TENM2: variants seen among roughly 807,000 people sequenced by gnomAD.
TENM2 encodes the protein teneurin-2.
In TENM2, 52 loss-of-function variants were observed where a neutral mutation model predicts 245.2. That is an observed-to-expected ratio of 0.21 (90% CI 0.17 to 0.27). TENM2 has a LOEUF of 0.27. Among genes scored for constraint, TENM2 ranks in the 10% least tolerant of loss-of-function variants. The probability of loss-of-function intolerance (pLI) is 1.00; values close to 1 mark genes in which losing one functional copy is unlikely to be tolerated. For missense variants in TENM2, 3,046 were observed against 3,666.8 expected (o/e 0.83, Z 4.37); for synonymous variants, 1,363 against 1,438.9 (o/e 0.95, Z 1.19).
chr5:167,752,092 C>G (rs1761994997), intron 2 of TENM2, among the ~76,000 whole-genome samples: 1 of 151,600 alleles, frequency 6.6e-6, no homozygotes, highest in Non-Finnish European at 1.5e-5. Context: ...CTTGGGGCCC[C>G]TTCTTTCCTT....
intron 2 of TENM2, among the ~76,000 whole-genome samples, chr5:167,535,456 A>G (rs1449508968): frequency 1.3e-5 from 2 of 152,110 alleles, no homozygotes; most frequent in Non-Finnish European, 2.9e-5. Context: ...AAACATGCAG[A>G]CATTCACTGA....
chr5:167,964,978 G>C (rs1583504109), intron 4 of TENM2, among the ~76,000 whole-genome samples: 1 of 152,096 alleles, frequency 6.6e-6, no homozygotes, highest in African/African-American at 2.4e-5. Flanking sequence ...TAAATGGATT[G>C]GGGGGCAGTT....
chr5:167,414,302 A>T (rs1322030623), intron 2 of TENM2, among the ~76,000 whole-genome samples: 1 of 152,186 alleles, frequency 6.6e-6, no homozygotes, highest in East Asian at 1.9e-4. Flanking sequence ...ATATTCAGAA[A>T]ATCTAAAAGC....
chr5:167,899,691 A>G (rs1370747713), intron 3 of TENM2, among the ~76,000 whole-genome samples: 2 of 152,152 alleles, frequency 1.3e-5, no homozygotes, highest in African/African-American at 4.8e-5. Context: ...GTGGGTGGGA[A>G]AACCAGTAGG....
chr5:168,228,949 C>T (rs1243150214), intron 25 of TENM2, among the ~76,000 whole-genome samples: 2 of 146,240 alleles, frequency 1.4e-5, no homozygotes, highest in Non-Finnish European at 3.0e-5. Flanking sequence ...TAATTATATA[C>T]ATTATATGTA....
chr5:167,377,056 C>A (rs1760792529), intron 2 of TENM2, among the ~76,000 whole-genome samples: 1 of 152,000 alleles, frequency 6.6e-6, no homozygotes, highest in Admixed American at 6.5e-5. Flanking sequence ...CACCTTCTCC[C>A]ATTTAAGTTA....
chr5:167,133,925 T>C, the TENM2 span, among the ~76,000 whole-genome samples: 1 of 152,182 alleles, frequency 6.6e-6, no homozygotes, highest in Admixed American at 6.5e-5. Flanking sequence ...ACTAAAGTCT[T>C]TTTTCACTTC....
intron 1 of TENM2, among the ~76,000 whole-genome samples, chr5:167,369,850 G>A (rs192325612): frequency 6.6e-6 from 1 of 152,160 alleles, no homozygotes; most frequent in Non-Finnish European, 1.5e-5. Flanking sequence ...GTGTATCCTG[G>A]TATTACCATG....
At chr5:167,747,428 C>G (rs1349420492) in intron 2 of TENM2, among the ~76,000 whole-genome samples, 1 of 152,178 alleles carries the variant, frequency 6.6e-6, no homozygotes. Flanking sequence ...TTTGTGATAA[C>G]ATATCTTCCA....
At chr5:167,228,865 C>A in the TENM2 span, among the ~76,000 whole-genome samples, 1 of 152,080 alleles carries the variant, frequency 6.6e-6, no homozygotes, top group African/African-American at 2.4e-5. Flanking sequence ...CCACCACGCC[C>A]GGCTACTTTT....
chr5:168,169,082 A>G (rs190753610), intron 13 of TENM2, among the ~76,000 whole-genome samples: 3 of 152,304 alleles, frequency 2.0e-5, no homozygotes, highest in African/African-American at 7.2e-5. Context: ...GGACCATCTT[A>G]TTAGACGGCA....
At chr5:168,181,284 T>C (rs182476016) in intron 13 of TENM2, among the ~76,000 whole-genome samples, 44 of 152,354 alleles carry the variant, frequency 2.9e-4, no homozygotes, top group Admixed American at 1.8e-3. Flanking sequence ...TAAAAATAAC[T>C]GGACAACACT....
In TENM2 at chr5:167,456,218, A is replaced by G. The variant is rs79568149; in HGVS notation, c.502+80745A>G. Among the ~76,000 whole-genome samples the G allele has an allele frequency of 2.5e-3, 381 of 152,270 alleles. 2 individuals are homozygous for G. The highest frequency in any genetic ancestry group is 8.7e-3 in the African/African-American group (362 of 41,554). On this transcript the variant is annotated intron_variant, in intron 2 of 28. Coordinates refer to ENST00000518659, the Ensembl canonical transcript of TENM2. ...GATGACCCACTGTGTCCAGTTACTT[A>G]TTTACACTCCAGTCAATAGGAACCC...
At chr5:167,506,723 T>G (rs1769578660) in intron 2 of TENM2, among the ~76,000 whole-genome samples, 1 of 152,176 alleles carries the variant, frequency 6.6e-6, no homozygotes, top group Admixed American at 6.5e-5. Context: ...AACTCTCAGT[T>G]TAACAGTTTC....
intron 2 of TENM2, among the ~76,000 whole-genome samples, chr5:167,690,679 A>C (rs137871409): frequency 4.9e-4 from 75 of 152,222 alleles, no homozygotes; most frequent in African/African-American, 1.7e-3. Flanking sequence ...TATCACCTTG[A>C]TTTCTGTCCC....
chr5:167,080,968 TA>T, the TENM2 span, among the ~76,000 whole-genome samples: 1 of 152,102 alleles, frequency 6.6e-6, no homozygotes, highest in Non-Finnish European at 1.5e-5. Context: ...TTTCCTATGC[TA>T]TTTTTTTAGT....
At chr5:167,985,129 C>T (rs1783140157) in intron 4 of TENM2, among the ~76,000 whole-genome samples, 1 of 152,174 alleles carries the variant, frequency 6.6e-6, no homozygotes, top group South Asian at 2.1e-4. Flanking sequence ...AAGTGCATGG[C>T]CAGAACCAGT....
chr5:167,797,816 A>C (rs1156526140), intron 2 of TENM2, among the ~76,000 whole-genome samples: 1 of 152,186 alleles, frequency 6.6e-6, no homozygotes, highest in Admixed American at 6.5e-5. Context: ...CAGAAAAGGA[A>C]AGGAAAGAAA....
At chr5:167,955,935 A>G (rs1583479220) in intron 4 of TENM2, among the ~76,000 whole-genome samples, 1 of 152,120 alleles carries the variant, frequency 6.6e-6, no homozygotes, top group South Asian at 2.1e-4. Flanking sequence ...TGCTTAGGCT[A>G]TATCACTTGG....
Sources: allele counts gnomAD v4.1 joint callset (sites outside exome capture counted in the v4.1 genomes callset), GRCh38; gene constraint gnomAD v4.1.1; transcripts MANE v1.5; gene names NCBI Gene and HGNC (gene_info 2026-07-23, HGNC 2026-07-21).